PPM1A: variants seen among roughly 807,000 people sequenced by gnomAD.
The protein encoded by PPM1A is protein phosphatase, Mg2+/Mn2+ dependent 1A, also known as protein phosphatase 1A.
A neutral mutation model predicts 35.0 loss-of-function variants in PPM1A; 7 were observed. That is an observed-to-expected ratio of 0.20 (90% CI 0.11 to 0.38). The LOEUF (loss-of-function observed/expected upper bound fraction) is 0.38. Ranked by LOEUF, PPM1A falls within the 10% of genes least tolerant of loss-of-function variation. PPM1A has a pLI of 1.00. For missense variants in PPM1A, 239 were observed against 467.8 expected (o/e 0.51, Z 4.51); for synonymous variants, 153 against 167.3 (o/e 0.91, Z 0.66).
At chr14:60,267,212 C>T (rs1884489722) in intron 1 of PPM1A, 2 of 152,074 alleles carry the variant, frequency 1.3e-5, no homozygotes, top group African/African-American at 4.8e-5. Flanking sequence ...TGCTGAGTTA[C>T]AGGGATAAGA....
At chr14:60,269,490 T>C (rs1377148454) in intron 1 of PPM1A, among the ~76,000 whole-genome samples, 1 of 152,186 alleles carries the variant, frequency 6.6e-6, no homozygotes, top group Non-Finnish European at 1.5e-5. Flanking sequence ...TATCATCTGA[T>C]GTTGCAAAGA....
At chr14:60,278,267 G>A (rs1454503515) in intron 1 of PPM1A, among the ~76,000 whole-genome samples, 2 of 151,524 alleles carry the variant, frequency 1.3e-5, no homozygotes, top group African/African-American at 2.4e-5. Flanking sequence ...TCTTAGTTAA[G>A]TTTTAAGATA....
intron 2 of PPM1A, among the ~76,000 whole-genome samples, chr14:60,284,848 C>G (rs1337463007): frequency 1.3e-5 from 2 of 151,424 alleles, no homozygotes; most frequent in African/African-American, 4.9e-5. Flanking sequence ...AAATCAAGGC[C>G]CTTGACTTGG....
intron 1 of PPM1A, among the ~76,000 whole-genome samples, chr14:60,269,714 A>G (rs1002917750): frequency 6.6e-6 from 1 of 151,986 alleles, no homozygotes; most frequent in Non-Finnish European, 1.5e-5. Flanking sequence ...ATGCCCGGCT[A>G]ATTTTTATAT....
intron 1 of PPM1A, among the ~76,000 whole-genome samples, chr14:60,278,298 A>C (rs917290385): frequency 6.7e-6 from 1 of 148,636 alleles, no homozygotes; most frequent in Non-Finnish European, 1.5e-5. Flanking sequence ...CTTTTAAAAG[A>C]TTTCATGGTT....
intron 1 of PPM1A, among the ~76,000 whole-genome samples, chr14:60,254,750 C>T (rs929011158): frequency 1.3e-5 from 2 of 152,178 alleles, no homozygotes; most frequent in Non-Finnish European, 2.9e-5. Context: ...TGTACTGCAT[C>T]TCCTCCCTGA....
At chr14:60,263,048 C>T (rs1216832899) in intron 1 of PPM1A, among the ~76,000 whole-genome samples, 1 of 152,220 alleles carries the variant, frequency 6.6e-6, no homozygotes, top group East Asian at 1.9e-4. Flanking sequence ...GAAACCCTAT[C>T]TCTAATAAAA....
At chr14:60,252,805 C>T (rs144467606) in intron 1 of PPM1A, among the ~76,000 whole-genome samples, 5 of 152,258 alleles carry the variant, frequency 3.3e-5, no homozygotes, top group Admixed American at 6.5e-5. Flanking sequence ...CTCCATATTA[C>T]GTAACAATTT....
At chr14:60,286,083 C>G (rs1886973879) in intron 3 of PPM1A, 1 of 997,230 alleles carries the variant, frequency 1.0e-6, no homozygotes. Context: ...TATTTAATTA[C>G]AAAGAGATTG....
Position 60,285,504 on chromosome 14 carries a change from C to T in PPM1A, c.835-120C>T, listed in dbSNP as rs920779861. The T allele has an allele frequency of 9.2e-6, 10 of 1,085,336 alleles. No individual in the cohort carries two copies. In the Admixed American group the frequency reaches 9.8e-5, roughly 11 times the overall value. The allele number at this position is 1,085,336 out of a possible 1,614,324, so 67.2% of individuals were successfully genotyped here. A position where few individuals can be genotyped will look rare whatever the true frequency, so the allele number is the denominator to read the frequency against. On this transcript the variant is annotated intron_variant, in intron 2 of 5. Transcript: ENST00000395076. ...TGCGTGCACATATGTATTTTTTTCT[C>T]CCTGAAAGTAACATTTTCACTAGAA...
intron 3 of PPM1A, chr14:60,287,218 T>C (rs575753326): frequency 5.3e-4 from 510 of 955,192 alleles, no homozygotes; most frequent in Non-Finnish European, 5.0e-4. Context: ...GATGGAATTA[T>C]GAAATATTCA....
At chr14:60,247,860 TAGAG>T (rs939615918), upstream of PPM1A, among the ~76,000 whole-genome samples, 9 of 152,062 alleles carry the variant, frequency 5.9e-5, no homozygotes, top group East Asian at 7.7e-4. Context: ...TCAAGTAAAA[TAGAG>T]AGGCCTTCAA....
intron 3 of PPM1A, chr14:60,287,584 C>T (rs987319259): frequency 2.7e-5 from 27 of 985,264 alleles, no homozygotes; most frequent in Non-Finnish European, 3.3e-5. Flanking sequence ...TCTTTAAATA[C>T]ATGCCTTCAC....
At chr14:60,287,569 T>C (rs1887148296) in intron 3 of PPM1A, 1 of 985,224 alleles carries the variant, frequency 1.0e-6, no homozygotes, top group Admixed American at 6.2e-5. Flanking sequence ...TCTCTCTCTC[T>C]TCTTTCTTTA....
chr14:60,275,718 C>T (rs1419257853), intron 1 of PPM1A, among the ~76,000 whole-genome samples: 3 of 152,138 alleles, frequency 2.0e-5, no homozygotes, highest in Non-Finnish European at 4.4e-5. Context: ...GTGGTCCTCC[C>T]ACCTCAGTCT....
intron 1 of PPM1A, among the ~76,000 whole-genome samples, chr14:60,255,218 C>T (rs1329476801): frequency 2.2e-5 from 3 of 136,234 alleles, no homozygotes; most frequent in African/African-American, 9.4e-5. Context: ...GTCGCCCAGG[C>T]TGGAGTGCAG....
chr14:60,253,003 A>G (rs1423909237), intron 1 of PPM1A, among the ~76,000 whole-genome samples: 3 of 152,134 alleles, frequency 2.0e-5, no homozygotes, highest in Non-Finnish European at 4.4e-5. Context: ...AATGTAATAG[A>G]CTTTATAATT....
chr14:60,289,728 G>C lies in PPM1A; in HGVS notation c.953-78G>C, dbSNP rs1243084367. Reference sequence around the variant, plus strand: ...ATGTGGTAAATGCCATCTTTAAAAAGCTAGGTTATCTTTGTTTCGGTTTTC... The same window carrying C: ...ATGTGGTAAATGCCATCTTTAAAAACCTAGGTTATCTTTGTTTCGGTTTTC... On this transcript the variant is annotated intron_variant, in intron 3 of 5. Transcript: ENST00000395076. The surrounding 1 kb of genome is among the most constrained non-coding windows in gnomAD (Gnocchi z 4.1). 18 of 902,376 alleles carry C rather than the reference G, an allele frequency of 2.0e-5. No individual in the cohort carries two copies. Among genetic ancestry groups the C allele is most frequent in the Non-Finnish European group, 3.2e-5 (18 of 570,816 alleles). The allele number at this position is 902,376 out of a possible 1,614,324, so 55.9% of individuals were successfully genotyped here.
In PPM1A at chr14:60,275,529, C is replaced by A. The variant is rs181366023; in HGVS notation, c.-20-7155C>A. Among the ~76,000 whole-genome samples, 594 of 152,158 alleles carry A rather than the reference C, an allele frequency of 3.9e-3. 3 individuals are homozygous for A. The highest frequency in any genetic ancestry group is 6.2e-3 in the Non-Finnish European group (424 of 67,996). ...AGAGACAGAGTCTTACTCTATTGCC[C>A]AGGCTGGAGTGCAGTGGCACCATTA... is the stretch of plus-strand genomic sequence containing the variant. On this transcript the variant is annotated intron_variant, in intron 1 of 5. Coordinates refer to ENST00000395076, the MANE Select transcript of PPM1A (RefSeq NM_021003.5).
Sources: gnomAD v4.1 joint callset for allele counts (sites outside exome capture counted in the v4.1 genomes callset) on GRCh38, gnomAD v4.1.1 for gene constraint, Gnocchi (gnomAD v3.1) non-coding constraint, MANE v1.5 for transcripts, NCBI Gene and HGNC (gene_info 2026-07-23, HGNC 2026-07-21) for gene names.